The following SGCD variants were observed in gnomAD, a reference collection of about 807,000 sequenced individuals.
The protein encoded by SGCD is sarcoglycan delta.
A neutral mutation model predicts 36.6 loss-of-function variants in SGCD; 18 were observed. That is an observed-to-expected ratio of 0.49 (90% confidence interval 0.34 to 0.73). The LOEUF (loss-of-function observed/expected upper bound fraction) is 0.73. SGCD is among the 30% of genes least tolerant of loss of function. The pLI is 0.01. For missense variants in SGCD, 387 were observed against 346.7 expected, an observed-to-expected ratio of 1.12 and a Z score of -0.92; for synonymous variants, 133 against 130.6, an observed-to-expected ratio of 1.02 and a Z score of -0.12.
the SGCD span, among the ~76,000 whole-genome samples, chr5:155,807,027 C>T: frequency 6.6e-6 from 1 of 152,172 alleles, no homozygotes; most frequent in African/African-American, 2.4e-5. Flanking sequence ...GTGCATAATA[C>T]ATAAATGCAT....
the SGCD span, among the ~76,000 whole-genome samples, chr5:155,752,284 C>G: frequency 0.024 from 3,663 of 152,266 alleles, 77 homozygotes; most frequent in South Asian, 0.037. Flanking sequence ...CAAGGCTTTC[C>G]ATTGCTCTGA....
At chr5:155,889,887 A>G (rs1427974924) in intron 1 of SGCD, among the ~76,000 whole-genome samples, 3 of 152,210 alleles carry the variant, frequency 2.0e-5, no homozygotes, top group Non-Finnish European at 4.4e-5. Context: ...GGAATGGTGA[A>G]GAAGGCTTGG....
chr5:156,146,012 G>T (rs1051260316), intron 3 of SGCD, among the ~76,000 whole-genome samples: 3 of 152,162 alleles, frequency 2.0e-5, no homozygotes, highest in African/African-American at 7.2e-5. Flanking sequence ...AGGAGATCGA[G>T]ACCATCCTGG....
chr5:156,255,887 G>A (rs111982008), intron 3 of SGCD, among the ~76,000 whole-genome samples: 17 of 151,322 alleles, frequency 1.1e-4, no homozygotes, highest in African/African-American at 3.6e-4. Flanking sequence ...TATTTTCTTT[G>A]TTTTACATCT....
chr5:155,766,415 G>A, the SGCD span, among the ~76,000 whole-genome samples: 43 of 152,200 alleles, frequency 2.8e-4, no homozygotes, highest in East Asian at 6.2e-3. Flanking sequence ...AGGGGCCCTG[G>A]CTTTGATAGA....
intron 6 of SGCD, among the ~76,000 whole-genome samples, chr5:156,620,219 C>A (rs1157603091): frequency 6.6e-6 from 1 of 152,156 alleles, no homozygotes; most frequent in African/African-American, 2.4e-5. Flanking sequence ...ATAATTATGT[C>A]AAGTACTCAA....
chr5:156,718,969 T>G (rs1193263259), intron 7 of SGCD, among the ~76,000 whole-genome samples: 2 of 152,110 alleles, frequency 1.3e-5, no homozygotes, highest in Non-Finnish European at 2.9e-5. Context: ...TTTCTTCTCC[T>G]CCTCTACTGC....
intron 3 of SGCD, among the ~76,000 whole-genome samples, chr5:156,366,876 T>A (rs1770135270): frequency 6.6e-6 from 1 of 152,142 alleles, no homozygotes; most frequent in African/African-American, 2.4e-5. Context: ...CAGAAAACAA[T>A]AAAATATCTA....
At chr5:155,897,627 A>G (rs1756295750) in intron 1 of SGCD, among the ~76,000 whole-genome samples, 1 of 151,864 alleles carries the variant, frequency 6.6e-6, no homozygotes, top group Non-Finnish European at 1.5e-5. Flanking sequence ...TTCTTTCTTT[A>G]TATCCTGATT....
chr5:156,529,115 A>G (rs10463128), intron 4 of SGCD, among the ~76,000 whole-genome samples: 79,137 of 151,846 alleles, frequency 0.52, 21,322 homozygotes, highest in African/African-American at 0.65. Context: ...GGAGAATAAT[A>G]GAGGGAAGGT....
At chr5:156,357,133 C>T (rs1769532966) in intron 3 of SGCD, among the ~76,000 whole-genome samples, 1 of 152,216 alleles carries the variant, frequency 6.6e-6, no homozygotes, top group Non-Finnish European at 1.5e-5. Flanking sequence ...AGTACCGCCA[C>T]CATCAATGCT....
intron 1 of SGCD, among the ~76,000 whole-genome samples, chr5:155,967,793 C>G (rs1757931941): frequency 6.6e-6 from 1 of 152,080 alleles, no homozygotes; most frequent in African/African-American, 2.4e-5. Flanking sequence ...CCCATTTCCT[C>G]TTAATTTGGT....
At chr5:156,082,689 G>A (rs183360610) in intron 1 of SGCD, among the ~76,000 whole-genome samples, 67 of 152,230 alleles carry the variant, frequency 4.4e-4, no homozygotes, top group African/African-American at 1.4e-3. Flanking sequence ...ATGAATATTC[G>A]TGTTCTAGTT....
intron 1 of SGCD, among the ~76,000 whole-genome samples, chr5:156,085,349 G>C (rs1040436535): frequency 6.6e-6 from 1 of 152,132 alleles, no homozygotes; most frequent in Non-Finnish European, 1.5e-5. Context: ...GCTAGGTGCT[G>C]TCCTCGTGAT....
intron 1 of SGCD, among the ~76,000 whole-genome samples, chr5:155,964,528 G>A (rs1208316354): frequency 6.6e-6 from 1 of 152,082 alleles, no homozygotes; most frequent in Non-Finnish European, 1.5e-5. Context: ...CGTAGAGACA[G>A]GGTTTCACTA....
intron 4 of SGCD, among the ~76,000 whole-genome samples, chr5:156,516,667 T>C (rs1334481346): frequency 6.6e-6 from 1 of 152,170 alleles, no homozygotes; most frequent in Non-Finnish European, 1.5e-5. Context: ...GAGGCTGAGA[T>C]GAATGAACTG....
At chr5:156,316,047 G>A (rs1326416100) in intron 3 of SGCD, among the ~76,000 whole-genome samples, 4 of 151,894 alleles carry the variant, frequency 2.6e-5, no homozygotes, top group Admixed American at 2.0e-4. Flanking sequence ...TGTTTGAGGA[G>A]TGTATTAACT....
intron 3 of SGCD, among the ~76,000 whole-genome samples, chr5:156,378,033 G>A (rs577901057): frequency 3.3e-5 from 5 of 152,236 alleles, no homozygotes; most frequent in African/African-American, 1.2e-4. Context: ...GGGGATTGAG[G>A]CAGATATTTG....
intron 1 of SGCD, among the ~76,000 whole-genome samples, chr5:155,905,717 T>G (rs561452161): frequency 1.4e-4 from 21 of 152,228 alleles, no homozygotes; most frequent in African/African-American, 5.1e-4. Context: ...CAGTCTTTCC[T>G]GTATTATTCT....
Sources: gnomAD v4.1 joint callset for allele counts (sites outside exome capture counted in the v4.1 genomes callset) on GRCh38, gnomAD v4.1.1 for gene constraint, MANE v1.5 for transcripts, NCBI Gene and HGNC (gene_info 2026-07-23, HGNC 2026-07-21) for gene names.